NLRP13: variants seen among roughly 807,000 people sequenced by gnomAD.
NLRP13 encodes NACHT, LRR and PYD domains-containing protein 13.
Under a neutral mutation model 94.4 loss-of-function variants are expected in NLRP13, and 82 were observed. That is an observed-to-expected ratio of 0.87 (90% CI 0.73 to 1.04). The LOEUF is 1.04. NLRP13 is among the 50% of genes least tolerant of loss of function. The pLI, the probability that NLRP13 is intolerant of heterozygous loss-of-function variation, is 0.00. For missense variants in NLRP13, 1,426 were observed against 1,230.8 expected, an observed-to-expected ratio of 1.16 and a Z score of -2.37; for synonymous variants, 553 against 464.7, an observed-to-expected ratio of 1.19 and a Z score of -2.45.
In NLRP13 at chr19:55,912,447, G is replaced by T; in HGVS notation, c.1370C>A (p.Ala457Asp). 1 of 1,614,174 alleles carries T rather than the reference G, an allele frequency of 6.2e-7. No homozygotes were observed. ...GGAGAACAAGTTGGAGAAAAAATAG[G>T]CATACAGACTGGTGGTAGTCTGAGT... is the stretch of plus-strand genomic sequence containing the variant. ...SITQTTTSLY[A>D]YFFSNLFSTA... The change falls in exon 5 of 11, where the codon GCC becomes GAC. Residue 457 changes from alanine (A) to aspartate (D), a missense_variant. Ala to Asp is a moderately radical substitution (Grantham distance 126). Transcript: ENST00000342929.
intron 10 of NLRP13, among the ~76,000 whole-genome samples, chr19:55,897,412 C>T (rs1251350581): frequency 6.6e-6 from 1 of 152,054 alleles, no homozygotes; most frequent in East Asian, 1.9e-4. Flanking sequence ...CCCAGCTACT[C>T]AGGAGGCTGA....
In NLRP13 at chr19:55,913,467, G is replaced by A. The variant is rs139026955; in HGVS notation, c.524-174C>T. Among the ~76,000 whole-genome samples the A allele has an allele frequency of 6.4e-3, 941 of 146,818 alleles. 13 individuals are homozygous for A. The highest frequency in any genetic ancestry group is 0.02 in the African/African-American group (814 of 39,878). On this transcript the variant is annotated intron_variant, in intron 4 of 10. Coordinates refer to ENST00000342929, the MANE Select transcript of NLRP13 (RefSeq NM_176810.2). ...AAGGAGGCTGAGGTAGGAGAATGGC[G>A]TGAACCCGGGAGGCGGAGGTTGCAG...
rs1568694461 is a variant in NLRP13, at chr19:55,912,354, A to G, written c.1463T>C (p.Ile488Thr). Residue 488 changes from isoleucine to threonine, a missense_variant, in exon 5 of 11, where the codon ATA (isoleucine) becomes ACA (threonine). Physicochemically the swap from Ile to Thr is moderately conservative, Grantham distance 89. Transcript: ENST00000342929. Reference protein sequence around the residue: ...GQWRALCSLAIEGLWSMNFTF... With the variant: ...GQWRALCSLATEGLWSMNFTF... ...GAAGTTCATAGACCACAGCCCTTCTATGGCCAGACTGCAGAGGGCCCTCCA... is the reference window on the plus strand; with the variant it reads ...GAAGTTCATAGACCACAGCCCTTCTGTGGCCAGACTGCAGAGGGCCCTCCA... The G allele has an allele frequency of 1.2e-6, 2 of 1,614,096 alleles. No homozygotes were observed. The highest frequency in any genetic ancestry group is 8.5e-7 in the Non-Finnish European group (1 of 1,180,010).
At chr19:55,917,613 A>C (rs1986704232) in intron 4 of NLRP13, among the ~76,000 whole-genome samples, 1 of 152,048 alleles carries the variant, frequency 6.6e-6, no homozygotes, top group Non-Finnish European at 1.5e-5. Context: ...ACAAAAAGCA[A>C]ACTGGAGTAG....
At chr19:55,931,440 G>T (rs1317023203) in intron 1 of NLRP13, among the ~76,000 whole-genome samples, 2 of 152,098 alleles carry the variant, frequency 1.3e-5, no homozygotes, top group East Asian at 3.9e-4. Flanking sequence ...TGGGCGCGGT[G>T]GCTCACGCCT....
Position 55,896,185 on chromosome 19 carries a change from A to G in NLRP13, c.2958-66T>C, listed in dbSNP as rs1052792026. 2.2e-5 allele frequency: 34 copies of G among 1,543,788 alleles called. No individual in the cohort carries two copies. The South Asian group carries it at 3.4e-4, about 15-fold the overall frequency. On this transcript the variant is annotated intron_variant, in intron 10 of 10. Transcript: ENST00000342929. ...GAGACTGGGAAGTTAGAAAAGAGAT[A>G]CCACATCTGCAGGAAAAAAACTATT...
In NLRP13 at chr19:55,929,350, C is replaced by A. The variant is rs1262108161; in HGVS notation, c.319+2643G>T. 2.0e-5 allele frequency among the ~76,000 whole-genome samples: 3 copies of A among 152,112 alleles called. No individual in the cohort carries two copies. In the East Asian group the frequency reaches 5.8e-4, roughly 29 times the overall value. On this transcript the variant is annotated intron_variant, in intron 1 of 10. Coordinates refer to ENST00000342929, the MANE Select transcript of NLRP13 (RefSeq NM_176810.2). ...CATATGGTTATTGCAGCACTGTTCA[C>A]AATAGCAAAGACTTGGAACCAACCG...
chr19:55,908,952 C>T (rs969125254), intron 6 of NLRP13, among the ~76,000 whole-genome samples: 2 of 152,192 alleles, frequency 1.3e-5, no homozygotes, highest in Non-Finnish European at 2.9e-5. Context: ...CCCCCTCTGC[C>T]TGCCTCTCAT....
At chr19:55,907,735 GA>G in intron 7 of NLRP13, 56 bp downstream of exon 7, 1 of 1,548,306 alleles carries the variant, frequency 6.5e-7, no homozygotes, top group Non-Finnish European at 8.9e-7. Flanking sequence ...GTGGATCGTG[GA>G]AGCTACTGGT....
chr19:55,911,637 A>G (rs769328234), intron 5 of NLRP13, 69 bp downstream of exon 5: 20 of 1,409,688 alleles, frequency 1.4e-5, no homozygotes, highest in Non-Finnish European at 1.9e-5. Context: ...CTGGTTTTGC[A>G]TGAAAGAATT....
At chr19:55,894,139 C>T (rs1304997560), downstream of NLRP13, among the ~76,000 whole-genome samples, 1 of 145,516 alleles carries the variant, frequency 6.9e-6, no homozygotes, top group Non-Finnish European at 1.5e-5. Flanking sequence ...CTCCTGGGTT[C>T]AGGCAGTCTT....
At chr19:55,901,839 G>T (rs1464399072) in intron 9 of NLRP13, among the ~76,000 whole-genome samples, 196 bp downstream of exon 9, 1 of 151,908 alleles carries the variant, frequency 6.6e-6, no homozygotes, top group African/African-American at 2.4e-5. Flanking sequence ...GGCTGGTCTC[G>T]AGGTCCCCCA....
chr19:55,896,058 T>C lies in NLRP13; in HGVS notation c.3019A>G (p.Ser1007Gly), dbSNP rs747339126. The C allele has an allele frequency of 3.1e-6, 5 of 1,614,082 alleles. No individual in the cohort carries two copies. Among genetic ancestry groups the C allele is most frequent in the Admixed American group, 1.7e-5 (1 of 60,008 alleles). Residue 1007 changes from serine to glycine, a missense_variant, in exon 11 of 11, where the codon AGT (serine) becomes GGT (glycine). By Grantham distance (56) the Ser-to-Gly change is moderately conservative (BLOSUM62 0). Coordinates refer to ENST00000342929, the MANE Select transcript of NLRP13 (RefSeq NM_176810.2). ...CQHLFSVLSS[S>G]KSLVNLNLLG... ...AGGTTCAGATTGACCAGGCTCTTACTGCTGCTGAGAACAGAGAAGAGATGC... is the reference window on the plus strand; with the variant it reads ...AGGTTCAGATTGACCAGGCTCTTACCGCTGCTGAGAACAGAGAAGAGATGC...
chr19:55,904,085 A>G (rs1340907877), intron 8 of NLRP13, among the ~76,000 whole-genome samples: 1 of 151,910 alleles, frequency 6.6e-6, no homozygotes, highest in Non-Finnish European at 1.5e-5. Flanking sequence ...TGTTCCTCCA[A>G]CATGCTGTGC....
chr19:55,904,370 G>A (rs11882060), intron 8 of NLRP13, among the ~76,000 whole-genome samples: 1 of 152,062 alleles, frequency 6.6e-6, no homozygotes, highest in Non-Finnish European at 1.5e-5. Context: ...TTACAGGTGT[G>A]AGCCACCTTG....
chr19:55,931,710 A>AG (rs1491171407), intron 1 of NLRP13, among the ~76,000 whole-genome samples: 289 of 23,680 alleles, frequency 0.012, 6 homozygotes, highest in African/African-American at 0.02. Flanking sequence ...ACTCAGGCTC[A>AG]AAAAAAAAAA....
At chr19:55,904,887 C>G (rs1986290361) in intron 8 of NLRP13, 55 bp downstream of exon 8, 1 of 1,443,306 alleles carries the variant, frequency 6.9e-7, no homozygotes, top group Non-Finnish European at 9.6e-7. Context: ...AACCATTGTT[C>G]TAGATATCTG....
chr19:55,903,842 T>C (rs1486819412), intron 8 of NLRP13, among the ~76,000 whole-genome samples: 1 of 152,140 alleles, frequency 6.6e-6, no homozygotes, highest in Admixed American at 6.6e-5. Flanking sequence ...ATAGGAGCCC[T>C]ATCTCTTGCT....
chr19:55,930,901 A>ATATATATATATATATATATT (rs1338071833), intron 1 of NLRP13, among the ~76,000 whole-genome samples: 1 of 98,286 alleles, frequency 1.0e-5, no homozygotes, highest in Non-Finnish European at 1.9e-5. Context: ...TATATATAAA[A>ATATATATATATATATATATT]TTTTAACCAG....
Sources: allele counts gnomAD v4.1 joint callset (sites outside exome capture counted in the v4.1 genomes callset), GRCh38; gene constraint gnomAD v4.1.1; transcripts MANE v1.5; gene names NCBI Gene and HGNC (gene_info 2026-07-23, HGNC 2026-07-21).